The following DNAH6 variants were observed in gnomAD, a reference collection of about 807,000 sequenced individuals.
DNAH6 encodes the protein dynein axonemal heavy chain 6.
Under a neutral mutation model 491.4 loss-of-function variants are expected in DNAH6, and 340 were observed. The observed-to-expected ratio is 0.69, with a 90% CI of 0.63 to 0.76. The LOEUF is 0.76. Among genes scored for constraint, DNAH6 ranks in the 30% least tolerant of loss-of-function variants. The probability of loss-of-function intolerance (pLI) is 0.00; values close to 1 mark genes in which losing one functional copy is unlikely to be tolerated. For synonymous variants in DNAH6, 1,603 were observed against 1,686.1 expected (o/e 0.95, Z 1.21); for missense variants, 4,443 against 4,972.2 (o/e 0.89, Z 3.20).
At position 84,681,533 on chromosome 2, in the gene DNAH6, T is replaced by C. The variant is rs1242912131; in HGVS notation, c.6916+5T>C. The stretch of plus-strand genomic sequence containing the variant: ...ACTTATCCAAATGTGTGCAAGGTAG[T>C]GTACTGAACCCTCGTTTTCTGATCT... On this transcript the variant is annotated splice_donor_5th_base_variant and intron_variant, in intron 42 of 76. Coordinates refer to ENST00000389394, the MANE Select transcript of DNAH6 (RefSeq NM_001370.2). 5 of 1,513,048 alleles carry C rather than the reference T, an allele frequency of 3.3e-6. No homozygotes were observed. The South Asian group carries it at 6.5e-5, about 20-fold the overall frequency. 93.7% of individuals were successfully genotyped at this position (1,513,048 alleles called of 1,614,324 possible). A position where few individuals can be genotyped will look rare whatever the true frequency, so the allele number is the denominator to read the frequency against.
At chr2:84,512,087 C>T (rs1053903574), upstream of DNAH6, among the ~76,000 whole-genome samples, 7 of 152,040 alleles carry the variant, frequency 4.6e-5, no homozygotes, top group African/African-American at 1.7e-4. Flanking sequence ...GGGGGTGGGA[C>T]ATTTTATAGA....
intron 63 of DNAH6, among the ~76,000 whole-genome samples, chr2:84,758,800 C>CT (rs1674296216): frequency 6.6e-6 from 1 of 151,998 alleles, no homozygotes; most frequent in African/African-American, 2.4e-5. Context: ...CTCAAAATAA[C>CT]AAAGCCCATG....
chr2:84,679,884 C>T (rs936735827), intron 41 of DNAH6, among the ~76,000 whole-genome samples: 28 of 152,184 alleles, frequency 1.8e-4, no homozygotes, highest in African/African-American at 6.8e-4. Context: ...CACACAGTTA[C>T]TCATGTATAT....
At chr2:84,593,940 A>T in intron 16 of DNAH6, 32 bp from the exon 17 acceptor site, 1 of 1,320,416 alleles carries the variant, frequency 7.6e-7, no homozygotes, top group Non-Finnish European at 1.1e-6. Context: ...CTGAAAACTA[A>T]ATTACGCATT....
chr2:84,604,689 C>G, intron 19 of DNAH6, 138 bp downstream of exon 19: 1 of 667,610 alleles, frequency 1.5e-6, no homozygotes, highest in Non-Finnish European at 2.5e-6. Flanking sequence ...CTGTTGTTTC[C>G]TTACAACAGA....
At chr2:84,523,252 A>C (rs1306997295) in intron 2 of DNAH6, among the ~76,000 whole-genome samples, 1 of 152,074 alleles carries the variant, frequency 6.6e-6, no homozygotes, top group African/African-American at 2.4e-5. Flanking sequence ...TGGTATTCAT[A>C]GTAATCACTT....
At chr2:84,798,522 C>CA (rs756330690) in intron 70 of DNAH6, among the ~76,000 whole-genome samples, 21 of 152,204 alleles carry the variant, frequency 1.4e-4, no homozygotes, top group Non-Finnish European at 2.9e-4. Context: ...ACTCATCCCC[C>CA]AAAGCTCTCC....
At position 84,677,058 on chromosome 2, in the gene DNAH6, G is replaced by C; in HGVS notation, c.6666G>C (p.Val2222=). The C allele has an allele frequency of 6.4e-7, 1 of 1,551,746 alleles. No individual in the cohort carries two copies. The highest frequency in any genetic ancestry group is 8.7e-7 in the Non-Finnish European group (1 of 1,146,976). ...CTCCAGGCGGTGGCCGCAACCCTGT[G>C]ACTCCCCGCTTCATCAGACACTTCA... ...CAPPGGGRNP[V]TPRFIRHFSM... The change falls in exon 41 of 77, where the codon GTG becomes GTC. Residue 2222 remains valine, a synonymous_variant. Coordinates refer to ENST00000389394, the MANE Select transcript of DNAH6 (RefSeq NM_001370.2).
chr2:84,729,309 T>C (rs1698934141), intron 61 of DNAH6, among the ~76,000 whole-genome samples: 1 of 152,224 alleles, frequency 6.6e-6, no homozygotes, highest in East Asian at 1.9e-4. Context: ...TAACTTGTCC[T>C]GATAACACAC....
intron 37 of DNAH6, among the ~76,000 whole-genome samples, chr2:84,663,526 G>A (rs1691756828): frequency 6.6e-6 from 1 of 151,812 alleles, no homozygotes; most frequent in African/African-American, 2.4e-5. Context: ...ATGAAATGAA[G>A]TGAGAAGAGA....
intron 5 of DNAH6, 30 bp from the exon 6 acceptor site, chr2:84,547,238 A>G (rs1159925884): frequency 6.8e-7 from 1 of 1,468,550 alleles, no homozygotes; most frequent in Non-Finnish European, 9.2e-7. Flanking sequence ...GAATATTTTT[A>G]CTAAATAATA....
chr2:84,687,716 C>T lies in DNAH6; in HGVS notation c.7138-723C>T, dbSNP rs568067136. Among the ~76,000 whole-genome samples the T allele has an allele frequency of 8.5e-5, 13 of 152,162 alleles. 1 individual carries two copies. The South Asian group carries it at 2.5e-3, about 29-fold the overall frequency. On this transcript the variant is annotated intron_variant, in intron 44 of 76. Transcript: ENST00000389394. ...TTCCAGGAGAAAGTGCCCCTGGGGC[C>T]GTTGCTACATACAATAGAGAAGGGA...
rs146893951 is a variant in DNAH6, at chr2:84,748,246, A to G, written c.10512+2997A>G. On this transcript the variant is annotated intron_variant, in intron 63 of 76. Coordinates refer to ENST00000389394, the MANE Select transcript of DNAH6 (RefSeq NM_001370.2). ...TCCTTCCCTACCACATAAGCACGCT[A>G]CAAATTTTCCAAATTTTTACCCTCA... Among the ~76,000 whole-genome samples the G allele has an allele frequency of 1.8e-3, 274 of 152,294 alleles. 2 individuals are homozygous for G. The highest frequency in any genetic ancestry group is 6.3e-3 in the African/African-American group (261 of 41,558).
At chr2:84,559,708 A>G (rs1430047392) in intron 11 of DNAH6, among the ~76,000 whole-genome samples, 1 of 152,206 alleles carries the variant, frequency 6.6e-6, no homozygotes, top group African/African-American at 2.4e-5. Context: ...AAAAAAATTA[A>G]CTACATGCAA....
intron 42 of DNAH6, among the ~76,000 whole-genome samples, chr2:84,685,093 G>A (rs993163274): frequency 1.3e-5 from 2 of 151,996 alleles, no homozygotes; most frequent in Non-Finnish European, 1.5e-5. Flanking sequence ...TCACATGCTC[G>A]GTTAAAGAAA....
At position 84,550,039 on chromosome 2, in the gene DNAH6, T is replaced by C; in HGVS notation, c.1467T>C (p.Pro489=). The C allele has an allele frequency of 6.2e-7, 1 of 1,612,720 alleles. No homozygotes were observed. The highest frequency in any genetic ancestry group is 1.1e-5 in the South Asian group (1 of 90,620). The stretch of plus-strand genomic sequence containing the variant: ...AGAAATGGATTACTGAAGAGAAGCC[T>C]GAAGTCCCTGATAAAAAGGTATACT... The part of the protein sequence containing the change: ...VIQKWITEEK[P]EVPDKKGTLM... Residue 489 remains proline, a synonymous_variant, in exon 9 of 77, where the codon CCT becomes CCC. Transcript: ENST00000389394.
chr2:84,636,098 T>C (rs1452411414), intron 30 of DNAH6, among the ~76,000 whole-genome samples: 3 of 152,182 alleles, frequency 2.0e-5, no homozygotes, highest in African/African-American at 4.8e-5. Flanking sequence ...CATTCCTTAC[T>C]GGTCTCCCTG....
At chr2:84,605,380 A>G in intron 19 of DNAH6, 120 bp from the exon 20 acceptor site, 2 of 579,054 alleles carry the variant, frequency 3.5e-6, no homozygotes, top group South Asian at 4.5e-5. Flanking sequence ...AGAATTTTAG[A>G]GAGCAATAAG....
intron 24 of DNAH6, among the ~76,000 whole-genome samples, chr2:84,620,722 T>C (rs764105515): frequency 3.9e-5 from 6 of 152,072 alleles, no homozygotes; most frequent in African/African-American, 7.2e-5. Context: ...AGACCAAGGA[T>C]AGAATCTTGG....
Sources: gnomAD v4.1 joint callset for allele counts (sites outside exome capture counted in the v4.1 genomes callset) on GRCh38, gnomAD v4.1.1 for gene constraint, MANE v1.5 for transcripts, NCBI Gene and HGNC (gene_info 2026-07-23, HGNC 2026-07-21) for gene names.